The following RARB variants were observed in gnomAD, a reference collection of about 807,000 sequenced individuals.
The protein encoded by RARB is HBV-activated protein.
RARB carries 17 observed loss-of-function variants against 51.9 expected under a neutral mutation model. That is an observed-to-expected ratio of 0.33 (90% CI 0.22 to 0.49). RARB has a LOEUF of 0.49. RARB is among the 20% of genes least tolerant of loss of function. The pLI is 0.99. For synonymous variants in RARB, 215 were observed against 195.4 expected (o/e 1.10, Z -0.84); for missense variants, 369 against 550.8 (o/e 0.67, Z 3.30).
intron 2 of RARB, among the ~76,000 whole-genome samples, chr3:25,014,171 C>A (rs888445353): frequency 6.6e-6 from 1 of 151,798 alleles, no homozygotes; most frequent in African/African-American, 2.4e-5. Flanking sequence ...CAAACATGTT[C>A]TTCACTTTCG....
chr3:25,093,231 T>G (rs866404487), intron 3 of RARB, among the ~76,000 whole-genome samples: 3 of 152,234 alleles, frequency 2.0e-5, no homozygotes, highest in Non-Finnish European at 4.4e-5. Context: ...TGTCTGATAC[T>G]TCTCCTTTTA....
At chr3:25,388,595 T>C (rs143513228) in intron 5 of RARB, among the ~76,000 whole-genome samples, 79 of 152,322 alleles carry the variant, frequency 5.2e-4, no homozygotes, top group African/African-American at 1.9e-3. Context: ...CAAAATGAAA[T>C]TTGTGCTTAG....
Position 25,428,844 on chromosome 3 carries a change from G to A in RARB, c.113G>A (p.Ser38Asn), listed in dbSNP as rs1273630432. Residue 38 changes from serine to asparagine, a missense_variant, in exon 1 of 8, where the codon AGT becomes AAT. Ser to Asn is a conservative substitution (Grantham distance 46). Around this residue, in one of 9 missense-constraint regions of RARB, gnomAD observed 99 missense variants for 95.1 expected, o/e 1.04. Coordinates refer to ENST00000330688, the MANE Select transcript of RARB (RefSeq NM_000965.5). ...GAGAAAGCTCTCAAAGCATGCTTCA[G>A]TGGATTGACCCAAACCGAATGGCAG... is the stretch of plus-strand genomic sequence containing the variant. ...LQEKALKACF[S>N]GLTQTEWQHR... 1.2e-6 allele frequency: 2 copies of A among 1,614,056 alleles called. No individual in the cohort carries two copies. Among genetic ancestry groups the A allele is most frequent in the East Asian group, 4.5e-5 (2 of 44,872 alleles).
At chr3:25,175,639 G>A (rs1024784943) in intron 5 of RARB, among the ~76,000 whole-genome samples, 2 of 152,202 alleles carry the variant, frequency 1.3e-5, no homozygotes, top group South Asian at 2.1e-4. Context: ...GTGTTTGGAT[G>A]GACGAACAGA....
intron 2 of RARB, among the ~76,000 whole-genome samples, chr3:25,057,970 C>T (rs769409576): frequency 6.6e-6 from 1 of 151,760 alleles, no homozygotes. Flanking sequence ...ATTATTTTTC[C>T]TGAATTAAAC....
intron 3 of RARB, among the ~76,000 whole-genome samples, chr3:25,130,950 T>TCA (rs1473920888): frequency 2.1e-5 from 2 of 93,388 alleles, no homozygotes; most frequent in African/African-American, 8.8e-5. Flanking sequence ...TCAATATTTA[T>TCA]TATTGATAAT....
At chr3:24,846,442 G>A (rs1326928902) in intron 1 of RARB, among the ~76,000 whole-genome samples, 1 of 152,182 alleles carries the variant, frequency 6.6e-6, no homozygotes, top group Non-Finnish European at 1.5e-5. Context: ...AGGATATGTG[G>A]CCTTATGTTA....
chr3:25,351,273 T>C (rs1274399944), intron 5 of RARB, among the ~76,000 whole-genome samples: 2 of 152,248 alleles, frequency 1.3e-5, no homozygotes, highest in East Asian at 3.9e-4. Flanking sequence ...CTTTTCTTTT[T>C]CTCTCTGGTT....
In RARB at chr3:25,597,726, T is replaced by TAAC. The variant is rs1701927986; in HGVS notation, c.*1112_*1114dup. The stretch of plus-strand genomic sequence containing the variant: ...AGAGTGAAAGCTGTGGTAGAGTGGT[T>TAAC]AACAGATACAAGTGTCAGTTTCTTA... On this transcript the variant is annotated 3_prime_UTR_variant, in exon 8 of 8. Transcript: ENST00000330688. The TAAC allele has an allele frequency of 6.6e-6, 1 of 152,614 alleles. No homozygotes were observed. 9.5% of individuals were successfully genotyped at this position (152,614 alleles called of 1,614,324 possible).
chr3:24,878,733 A>G (rs770037470), intron 2 of RARB, among the ~76,000 whole-genome samples: 1 of 152,164 alleles, frequency 6.6e-6, no homozygotes, highest in Non-Finnish European at 1.5e-5. Context: ...CTAAAAATCA[A>G]CCAGTTGAGA....
At chr3:24,877,016 T>C (rs930628390) in intron 2 of RARB, among the ~76,000 whole-genome samples, 1 of 152,154 alleles carries the variant, frequency 6.6e-6, no homozygotes. Flanking sequence ...ATAGTACAAA[T>C]TGAAATGACA....
At chr3:25,414,597 T>C (rs1707652090) in intron 5 of RARB, among the ~76,000 whole-genome samples, 2 of 152,338 alleles carry the variant, frequency 1.3e-5, no homozygotes, top group East Asian at 3.9e-4. Flanking sequence ...ATTTTAGCAA[T>C]TCCAATAGGT....
chr3:25,595,539 A>AT (rs1213562063), intron 7 of RARB, among the ~76,000 whole-genome samples: 2 of 152,194 alleles, frequency 1.3e-5, no homozygotes, highest in African/African-American at 4.8e-5. Context: ...GGTATCTTTG[A>AT]TTTTTAAAAA....
intron 5 of RARB, among the ~76,000 whole-genome samples, chr3:25,326,034 A>G (rs1048881962): frequency 3.9e-5 from 6 of 152,152 alleles, no homozygotes; most frequent in Non-Finnish European, 8.8e-5. Flanking sequence ...AAGGAGATTT[A>G]TTGAGGAAGG....
At chr3:24,906,969 A>G (rs1284104558) in intron 2 of RARB, among the ~76,000 whole-genome samples, 2 of 151,976 alleles carry the variant, frequency 1.3e-5, no homozygotes, top group African/African-American at 4.8e-5. Context: ...GAAGAGAATG[A>G]TGGTGAATTT....
chr3:25,253,988 G>T (rs1410647463), intron 5 of RARB, among the ~76,000 whole-genome samples: 1 of 152,078 alleles, frequency 6.6e-6, no homozygotes, highest in Non-Finnish European at 1.5e-5. Flanking sequence ...CATGCATAAG[G>T]GGTTCATATA....
intron 5 of RARB, among the ~76,000 whole-genome samples, chr3:25,303,793 G>A (rs566443421): frequency 2.6e-5 from 4 of 152,238 alleles, no homozygotes; most frequent in Admixed American, 6.5e-5. Context: ...ACAGCCAGCC[G>A]GGCAGAATGT....
At chr3:25,443,181 C>G (rs1326924476) in intron 1 of RARB, among the ~76,000 whole-genome samples, 1 of 152,046 alleles carries the variant, frequency 6.6e-6, no homozygotes, top group African/African-American at 2.4e-5. Context: ...TTTGGTTATT[C>G]AAAACACCTC....
At chr3:24,912,472 C>T (rs970588646) in intron 2 of RARB, among the ~76,000 whole-genome samples, 2 of 152,070 alleles carry the variant, frequency 1.3e-5, no homozygotes, top group African/African-American at 4.8e-5. Flanking sequence ...TGAGTATCTT[C>T]CAGATATAAG....
Sources: allele counts gnomAD v4.1 joint callset (sites outside exome capture counted in the v4.1 genomes callset), GRCh38; gene constraint gnomAD v4.1.1; regional missense constraint gnomAD v4.1.1; transcripts MANE v1.5; gene names NCBI Gene and HGNC (gene_info 2026-07-23, HGNC 2026-07-21).